The following RABGAP1L variants were observed in gnomAD, a reference collection of about 807,000 sequenced individuals.
RABGAP1L encodes the protein RAB GTPase activating protein 1 like.
A neutral mutation model predicts 137.7 loss-of-function variants in RABGAP1L; 63 were observed. The observed-to-expected ratio is 0.46, with a 90% CI of 0.37 to 0.56. The LOEUF (loss-of-function observed/expected upper bound fraction) is 0.56, where lower values mean the gene tolerates loss of function less well. Among genes scored for constraint, RABGAP1L ranks in the 20% least tolerant of loss-of-function variants. RABGAP1L has a pLI of 0.00. For synonymous variants in RABGAP1L, 431 were observed against 433.7 expected, an observed-to-expected ratio of 0.99 and a Z score of 0.08; for missense variants, 1,095 against 1,244.0, an observed-to-expected ratio of 0.88 and a Z score of 1.80.
At chr1:174,419,391 C>G (rs1650990578) in intron 13 of RABGAP1L, among the ~76,000 whole-genome samples, 1 of 152,164 alleles carries the variant, frequency 6.6e-6, no homozygotes. Flanking sequence ...ACTGTAAACT[C>G]TAGAATGTTT....
intron 13 of RABGAP1L, among the ~76,000 whole-genome samples, chr1:174,603,522 C>T (rs1356246427): frequency 6.6e-6 from 1 of 152,114 alleles, no homozygotes; most frequent in Non-Finnish European, 1.5e-5. Context: ...GAATCAGGAA[C>T]CTTAGGATTC....
intron 13 of RABGAP1L, among the ~76,000 whole-genome samples, chr1:174,538,542 T>A (rs999098228): frequency 5.9e-5 from 9 of 152,224 alleles, no homozygotes; most frequent in Non-Finnish European, 1.3e-4. Flanking sequence ...TTGTATACTC[T>A]TTCAATGCTA....
chr1:174,303,180 T>G (rs944770998), intron 10 of RABGAP1L, among the ~76,000 whole-genome samples: 6 of 152,136 alleles, frequency 3.9e-5, no homozygotes, highest in Non-Finnish European at 7.4e-5. Flanking sequence ...AATATTTGAT[T>G]CTGTTACATG....
At chr1:174,507,139 A>G (rs1437146062) in intron 13 of RABGAP1L, among the ~76,000 whole-genome samples, 2 of 152,236 alleles carry the variant, frequency 1.3e-5, no homozygotes, top group African/African-American at 4.8e-5. Context: ...AAATAGCTTA[A>G]TAAATTGACA....
At chr1:174,686,718 G>T (rs925527764) in intron 15 of RABGAP1L, among the ~76,000 whole-genome samples, 8 of 142,288 alleles carry the variant, frequency 5.6e-5, no homozygotes, top group African/African-American at 2.0e-4. Flanking sequence ...GTGCAGTGGT[G>T]CAATCTCAGC....
chr1:174,905,239 G>A (rs1441393984), intron 19 of RABGAP1L, among the ~76,000 whole-genome samples: 1 of 152,162 alleles, frequency 6.6e-6, no homozygotes, highest in Non-Finnish European at 1.5e-5. Flanking sequence ...TAATCCTTCA[G>A]TGCAAAAACC....
chr1:174,851,182 A>T (rs143296624), intron 19 of RABGAP1L, among the ~76,000 whole-genome samples: 59 of 152,346 alleles, frequency 3.9e-4, no homozygotes, highest in Non-Finnish European at 6.2e-4. Context: ...CAGCTGCTAA[A>T]TATGTTATAT....
At chr1:174,429,628 A>T (rs1387531167) in intron 13 of RABGAP1L, among the ~76,000 whole-genome samples, 1 of 151,916 alleles carries the variant, frequency 6.6e-6, no homozygotes, top group Non-Finnish European at 1.5e-5. Flanking sequence ...AATCCCAGCT[A>T]CTCAGGAGGC....
intron 11 of RABGAP1L, among the ~76,000 whole-genome samples, chr1:174,340,134 T>C (rs987006069): frequency 5.3e-5 from 8 of 152,218 alleles, no homozygotes; most frequent in Admixed American, 5.2e-4. Context: ...TTTGTAGATA[T>C]ACTATTTACA....
chr1:174,622,589 C>A (rs558895031), intron 13 of RABGAP1L, among the ~76,000 whole-genome samples: 1 of 152,176 alleles, frequency 6.6e-6, no homozygotes, highest in Non-Finnish European at 1.5e-5. Context: ...TCATTCTCAG[C>A]AAACTGTCAC....
At chr1:174,492,339 CCTGA>C (rs1164147955) in intron 13 of RABGAP1L, among the ~76,000 whole-genome samples, 7 of 145,750 alleles carry the variant, frequency 4.8e-5, no homozygotes, top group Non-Finnish European at 8.9e-5. Context: ...TGCCACCACG[CCTGA>C]CTAATTTTTT....
chr1:174,597,378 T>G (rs1054520799), intron 13 of RABGAP1L, among the ~76,000 whole-genome samples: 1 of 152,178 alleles, frequency 6.6e-6, no homozygotes, highest in Non-Finnish European at 1.5e-5. Context: ...TTTTATTACA[T>G]CTCAGTCTCA....
At chr1:174,969,452 G>GC in intron 21 of RABGAP1L, 65 bp downstream of exon 21, 1 of 1,227,744 alleles carries the variant, frequency 8.1e-7, no homozygotes, top group Non-Finnish European at 1.2e-6. Context: ...CCTCATCACC[G>GC]CCCCCACAAA....
intron 19 of RABGAP1L, chr1:174,893,024 G>A: frequency 4.0e-6 from 1 of 252,712 alleles, no homozygotes; most frequent in Non-Finnish European, 8.1e-6. Context: ...GGGGTTACAG[G>A]CATGAGCCAC....
intron 15 of RABGAP1L, among the ~76,000 whole-genome samples, 193 bp downstream of exon 15, chr1:174,683,789 GTT>G (rs957278592): frequency 6.6e-6 from 1 of 152,144 alleles, no homozygotes; most frequent in Non-Finnish European, 1.5e-5. Context: ...AATGGAATTA[GTT>G]TTGTTGGCTA....
intron 13 of RABGAP1L, among the ~76,000 whole-genome samples, chr1:174,438,287 G>A (rs1367496000): frequency 2.0e-5 from 3 of 152,030 alleles, no homozygotes; most frequent in Non-Finnish European, 4.4e-5. Context: ...TAGATCCTTT[G>A]TGTTTACATA....
chr1:174,498,559 C>T lies in RABGAP1L; in HGVS notation c.1710+104414C>T, dbSNP rs2901819. Among the ~76,000 whole-genome samples, 58 of 151,790 alleles carry T rather than the reference C, an allele frequency of 3.8e-4. No homozygotes were observed. The East Asian group carries it at 5.4e-3, about 14-fold the overall frequency. The stretch of plus-strand genomic sequence containing the variant: ...GCCCAGGCTGGAGTGCAGTGGTATG[C>T]GATCTCGGCTCACTGAAACCTCTGC... On this transcript the variant is annotated intron_variant, in intron 13 of 25. Transcript: ENST00000681986.
chr1:174,438,378 A>T (rs779844434), intron 13 of RABGAP1L, among the ~76,000 whole-genome samples: 1 of 152,160 alleles, frequency 6.6e-6, no homozygotes, highest in African/African-American at 2.4e-5. Flanking sequence ...TCTGAAGATC[A>T]ATTTGAGAAA....
At chr1:174,883,176 T>C (rs1343303534) in intron 19 of RABGAP1L, among the ~76,000 whole-genome samples, 1 of 152,172 alleles carries the variant, frequency 6.6e-6, no homozygotes, top group African/African-American at 2.4e-5. Flanking sequence ...TTAGATTCGC[T>C]ACTTACCAGT....
Sources: gnomAD v4.1 joint callset for allele counts (sites outside exome capture counted in the v4.1 genomes callset) on GRCh38, gnomAD v4.1.1 for gene constraint, MANE v1.5 for transcripts, NCBI Gene and HGNC (gene_info 2026-07-23, HGNC 2026-07-21) for gene names.